Variants in ZBTB20 observed in about 807,000 individuals in gnomAD.
The protein encoded by ZBTB20 is zinc finger and BTB domain containing 20.
In ZBTB20, 9 loss-of-function variants were observed where a neutral mutation model predicts 56.9. The observed-to-expected ratio is 0.16, with a 90% confidence interval of 0.10 to 0.28. ZBTB20 has a LOEUF of 0.28. Among genes scored for constraint, ZBTB20 ranks in the 10% least tolerant of loss-of-function variants. ZBTB20 has a pLI of 1.00. For missense variants in ZBTB20, 655 were observed against 1,003.0 expected (o/e 0.65, Z 4.69); for synonymous variants, 417 against 420.7 (o/e 0.99, Z 0.11).
At chr3:114,627,187 T>C (rs1029909655) in intron 6 of ZBTB20, among the ~76,000 whole-genome samples, 2 of 152,198 alleles carry the variant, frequency 1.3e-5, no homozygotes, top group Non-Finnish European at 2.9e-5. Flanking sequence ...GTTTTCATCA[T>C]ATTATCTGAT....
chr3:114,408,935 G>C (rs1269572958), intron 7 of ZBTB20, among the ~76,000 whole-genome samples: 1 of 151,948 alleles, frequency 6.6e-6, no homozygotes, highest in South Asian at 2.1e-4. Flanking sequence ...CTCGTCCGCC[G>C]TCCGCTCCTG....
intron 7 of ZBTB20, among the ~76,000 whole-genome samples, chr3:114,492,496 C>A (rs922003230): frequency 1.3e-5 from 2 of 152,122 alleles, no homozygotes; most frequent in African/African-American, 2.4e-5. Context: ...TTTCACATAA[C>A]CAACCATGAA....
chr3:114,955,611 C>T (rs925404830), intron 3 of ZBTB20, among the ~76,000 whole-genome samples: 9 of 152,244 alleles, frequency 5.9e-5, no homozygotes, highest in Middle Eastern at 3.4e-3. Context: ...ACAGAGATGT[C>T]TTCCATGCAA....
At chr3:114,388,326 C>A (rs1476435794) in intron 8 of ZBTB20, 1 of 152,202 alleles carries the variant, frequency 6.6e-6, no homozygotes, top group Non-Finnish European at 1.5e-5. Flanking sequence ...TGATATCAAA[C>A]TTTCATCAGT....
At chr3:114,672,613 T>C (rs1001189497) in intron 6 of ZBTB20, among the ~76,000 whole-genome samples, 2 of 152,168 alleles carry the variant, frequency 1.3e-5, no homozygotes, top group African/African-American at 2.4e-5. Flanking sequence ...TACTGTAAAG[T>C]GTCTCACATG....
chr3:114,593,112 AG>A (rs780050614), intron 6 of ZBTB20, among the ~76,000 whole-genome samples: 1 of 152,206 alleles, frequency 6.6e-6, no homozygotes, highest in Non-Finnish European at 1.5e-5. Flanking sequence ...TTTTTCCAAA[AG>A]GAACAACGAC....
rs2079323910 is a variant in ZBTB20 at position 114,333,137 on chromosome 3, T to C, written c.*5868A>G. On this transcript the variant is annotated 3_prime_UTR_variant, in exon 12 of 12. Transcript: ENST00000675478. ...AATATTTTGGTCAGGCTGATCGTCT[T>C]GATACTCAGTGCTAGAAATGATGCT... 6.6e-6 allele frequency: 1 copy of C among 152,244 alleles called. No individual in the cohort carries two copies. The highest frequency in any genetic ancestry group is 1.5e-5 in the Non-Finnish European group (1 of 68,040). The allele number at this position is 152,244 out of a possible 1,614,324, so 9.4% of individuals were successfully genotyped here.
At chr3:114,564,464 T>C (rs1233816350) in intron 6 of ZBTB20, among the ~76,000 whole-genome samples, 1 of 152,152 alleles carries the variant, frequency 6.6e-6, no homozygotes, top group Non-Finnish European at 1.5e-5. Context: ...CATAGCATGG[T>C]AAGCTGCACA....
intron 3 of ZBTB20, among the ~76,000 whole-genome samples, chr3:114,957,484 G>A (rs2077287950): frequency 6.6e-6 from 1 of 152,078 alleles, no homozygotes; most frequent in Admixed American, 6.6e-5. Flanking sequence ...TTATCTCTGT[G>A]GATTATTAGG....
intron 5 of ZBTB20, among the ~76,000 whole-genome samples, chr3:114,768,496 C>A (rs1418751164): frequency 6.6e-6 from 1 of 152,004 alleles, no homozygotes; most frequent in Non-Finnish European, 1.5e-5. Context: ...ATTAGCAACT[C>A]ATCAGACATA....
At chr3:114,617,868 C>T (rs79441561) in intron 6 of ZBTB20, among the ~76,000 whole-genome samples, 5,849 of 152,124 alleles carry the variant, frequency 0.038, 157 homozygotes, top group Non-Finnish European at 0.057. Flanking sequence ...CAAATGCTGT[C>T]CCCCAATGAA....
chr3:114,884,120 T>A (rs1285992940), intron 4 of ZBTB20, among the ~76,000 whole-genome samples: 1 of 149,972 alleles, frequency 6.7e-6, no homozygotes, highest in African/African-American at 2.5e-5. Context: ...AGAGACGGGG[T>A]TTCACCGTTT....
At chr3:115,059,175 T>A (rs2081926387) in intron 2 of ZBTB20, among the ~76,000 whole-genome samples, 1 of 152,164 alleles carries the variant, frequency 6.6e-6, no homozygotes, top group African/African-American at 2.4e-5. Flanking sequence ...TCATTGGTAA[T>A]TTTTTTCCCA....
chr3:115,061,387 A>G (rs943904611), intron 2 of ZBTB20, among the ~76,000 whole-genome samples: 5 of 152,198 alleles, frequency 3.3e-5, no homozygotes, highest in African/African-American at 9.6e-5. Context: ...CATTATATAA[A>G]TATGCAAGTT....
chr3:114,871,824 C>A (rs187749604), intron 4 of ZBTB20, among the ~76,000 whole-genome samples: 26 of 152,040 alleles, frequency 1.7e-4, no homozygotes, highest in Non-Finnish European at 3.5e-4. Context: ...ACTCTCTATA[C>A]CACAACTATA....
At chr3:114,927,813 G>T (rs1040926136) in intron 3 of ZBTB20, among the ~76,000 whole-genome samples, 1 of 152,120 alleles carries the variant, frequency 6.6e-6, no homozygotes, top group Non-Finnish European at 1.5e-5. Flanking sequence ...TGCATTTTCA[G>T]ACTTGATGCA....
chr3:115,046,888 CA>C (rs1228191006), intron 2 of ZBTB20, among the ~76,000 whole-genome samples: 2 of 152,030 alleles, frequency 1.3e-5, no homozygotes, highest in Non-Finnish European at 2.9e-5. Context: ...ATAAGAAAAA[CA>C]AAAGTCATCA....
intron 1 of ZBTB20, among the ~76,000 whole-genome samples, chr3:115,081,152 G>A (rs527989822): frequency 4.6e-5 from 7 of 152,038 alleles, no homozygotes; most frequent in Admixed American, 6.6e-5. Flanking sequence ...GGGTATTAAA[G>A]GCAAATACCT....
intron 6 of ZBTB20, among the ~76,000 whole-genome samples, chr3:114,554,860 A>G (rs1482495091): frequency 6.6e-6 from 1 of 152,200 alleles, no homozygotes; most frequent in Non-Finnish European, 1.5e-5. Context: ...CTTGCCAAAG[A>G]AATCACTGCA....
Sources: gnomAD v4.1 joint callset for allele counts (sites outside exome capture counted in the v4.1 genomes callset) on GRCh38, gnomAD v4.1.1 for gene constraint, MANE v1.5 for transcripts, NCBI Gene and HGNC (gene_info 2026-07-23, HGNC 2026-07-21) for gene names.